The following WDFY1 variants were observed in gnomAD, a reference collection of about 807,000 sequenced individuals.
The protein encoded by WDFY1 is WD repeat and FYVE domain-containing protein 1.
WDFY1 carries 32 observed loss-of-function variants against 56.4 expected under a neutral mutation model. That is an observed-to-expected ratio of 0.57 (90% CI 0.43 to 0.76). The LOEUF is 0.76. Ranked by LOEUF, WDFY1 falls within the 30% of genes least tolerant of loss-of-function variation. The pLI is 0.00. For missense variants in WDFY1, 480 were observed against 545.7 expected, an observed-to-expected ratio of 0.88 and a Z score of 1.20; for synonymous variants, 192 against 197.3, an observed-to-expected ratio of 0.97 and a Z score of 0.23.
At chr2:223,938,484 C>T (rs1484115149) in intron 1 of WDFY1, among the ~76,000 whole-genome samples, 3 of 152,200 alleles carry the variant, frequency 2.0e-5, no homozygotes, top group Admixed American at 1.3e-4. Flanking sequence ...AAAGTCACCA[C>T]TGTAGTTCAA....
chr2:223,897,761 A>G (rs952720435), intron 6 of WDFY1, among the ~76,000 whole-genome samples: 2 of 152,006 alleles, frequency 1.3e-5, no homozygotes, highest in African/African-American at 4.8e-5. Flanking sequence ...TTTCTCACGA[A>G]TGGTTTAGTG....
At chr2:223,892,492 T>C (rs1559164424) in intron 8 of WDFY1, among the ~76,000 whole-genome samples, 1 of 152,230 alleles carries the variant, frequency 6.6e-6, no homozygotes, top group Non-Finnish European at 1.5e-5. Flanking sequence ...GGTAGTCTAT[T>C]TCTTCCACTA....
intron 1 of WDFY1, among the ~76,000 whole-genome samples, chr2:223,944,686 A>C (rs1261535226): frequency 5.6e-5 from 6 of 106,836 alleles, no homozygotes; most frequent in Admixed American, 1.0e-4. Flanking sequence ...AGCTCCCGGG[A>C]TGGACGGGCG....
intron 8 of WDFY1, among the ~76,000 whole-genome samples, chr2:223,885,537 TTAC>T (rs1327337403): frequency 6.6e-6 from 1 of 152,148 alleles, no homozygotes; most frequent in Non-Finnish European, 1.5e-5. Context: ...TTAGCCATGG[TTAC>T]AGGGTGTTCA....
At chr2:223,894,676 G>A (rs568969560) in intron 7 of WDFY1, among the ~76,000 whole-genome samples, 93 of 152,252 alleles carry the variant, frequency 6.1e-4, no homozygotes, top group Non-Finnish European at 9.1e-4. Context: ...AAACAAGAAC[G>A]AAGGAGGTAT....
At chr2:223,916,620 C>T (rs1210998001) in intron 2 of WDFY1, among the ~76,000 whole-genome samples, 1 of 152,154 alleles carries the variant, frequency 6.6e-6, no homozygotes, top group African/African-American at 2.4e-5. Flanking sequence ...CTACAGAGGC[C>T]TCCTGTCTGG....
At chr2:223,895,098 A>G (rs1362824044) in intron 7 of WDFY1, among the ~76,000 whole-genome samples, 2 of 152,240 alleles carry the variant, frequency 1.3e-5, no homozygotes, top group Non-Finnish European at 2.9e-5. Flanking sequence ...AACAAAGAAC[A>G]AAAAACAAGT....
At chr2:223,893,751 T>C (rs1317965620) in intron 8 of WDFY1, among the ~76,000 whole-genome samples, 4 of 152,154 alleles carry the variant, frequency 2.6e-5, no homozygotes, top group African/African-American at 9.7e-5. Flanking sequence ...TATGTCGACA[T>C]GGCCTCAGTG....
In WDFY1 at chr2:223,882,078, C is replaced by T. The variant is rs1437256139; in HGVS notation, c.934-6G>A. ...CCGCATTTCCTGCAGTGATGCTTCA[C>T]AGGTGACCGGGAGGAGGAAAACAGG... On this transcript the variant is annotated splice_region_variant and splice_polypyrimidine_tract_variant and intron_variant, in intron 9 of 11. Transcript: ENST00000233055. The T allele has an allele frequency of 6.2e-7, 1 of 1,612,224 alleles. No individual in the cohort carries two copies. The highest frequency in any genetic ancestry group is 8.5e-7 in the Non-Finnish European group (1 of 1,178,934).
At chr2:223,910,944 C>T (rs1363098263) in intron 3 of WDFY1, among the ~76,000 whole-genome samples, 1 of 152,120 alleles carries the variant, frequency 6.6e-6, no homozygotes, top group South Asian at 2.1e-4. Context: ...AAAAATATGT[C>T]CATGCAAAAA....
intron 10 of WDFY1, among the ~76,000 whole-genome samples, chr2:223,881,682 G>C (rs978516479): frequency 2.0e-5 from 3 of 152,166 alleles, no homozygotes; most frequent in African/African-American, 7.2e-5. Context: ...CAGCTACTCG[G>C]GTGGCTGAGG....
At chr2:223,897,384 A>ATCTTTTT (rs1441035020) in intron 6 of WDFY1, among the ~76,000 whole-genome samples, 1 of 117,448 alleles carries the variant, frequency 8.5e-6, no homozygotes. Context: ...ATATATATAT[A>ATCTTTTT]TATATATTTT....
chr2:223,930,387 T>C (rs1198004676), intron 1 of WDFY1, among the ~76,000 whole-genome samples: 1 of 152,168 alleles, frequency 6.6e-6, no homozygotes, highest in Non-Finnish European at 1.5e-5. Context: ...TGGAGTGCAA[T>C]GGCTTGATCT....
chr2:223,939,678 C>T (rs866176823), intron 1 of WDFY1, among the ~76,000 whole-genome samples: 3 of 152,160 alleles, frequency 2.0e-5, no homozygotes, highest in African/African-American at 7.2e-5. Flanking sequence ...CTCACTGCCA[C>T]GAGAACAGTA....
At chr2:223,903,522 C>CA (rs200249965) in intron 4 of WDFY1, among the ~76,000 whole-genome samples, 113 of 23,524 alleles carry the variant, frequency 4.8e-3, no homozygotes, top group Non-Finnish European at 0.011. Flanking sequence ...GGCTCTTTCT[C>CA]AAAAAACAAA....
chr2:223,906,955 C>CATTATTATT (rs60121017), intron 3 of WDFY1, among the ~76,000 whole-genome samples: 1 of 65,848 alleles, frequency 1.5e-5, no homozygotes, highest in East Asian at 4.7e-4. Context: ...TTACTACTAC[C>CATTATTATT]ATTATTATTA....
intron 1 of WDFY1, among the ~76,000 whole-genome samples, chr2:223,932,611 A>G (rs1694098088): frequency 6.6e-6 from 1 of 152,158 alleles, no homozygotes; most frequent in South Asian, 2.1e-4. Flanking sequence ...CAATTTAACC[A>G]TCCTTAAATT....
intron 1 of WDFY1, among the ~76,000 whole-genome samples, chr2:223,930,414 C>T (rs959886170): frequency 1.3e-5 from 2 of 152,234 alleles, no homozygotes; most frequent in Admixed American, 6.5e-5. Context: ...ACTGCAACCT[C>T]CGCCTACCGG....
intron 1 of WDFY1, among the ~76,000 whole-genome samples, chr2:223,926,611 A>T (rs1693983673): frequency 6.6e-6 from 1 of 151,814 alleles, no homozygotes; most frequent in South Asian, 2.1e-4. Context: ...ATACATTTAC[A>T]TATATATGTG....
Sources: gnomAD v4.1 joint callset for allele counts (sites outside exome capture counted in the v4.1 genomes callset) on GRCh38, gnomAD v4.1.1 for gene constraint, MANE v1.5 for transcripts, NCBI Gene and HGNC (gene_info 2026-07-23, HGNC 2026-07-21) for gene names.